The following LRRC7 variants were observed in gnomAD, a reference collection of about 807,000 sequenced individuals.
LRRC7 encodes the protein leucine rich repeat containing 7.
LRRC7 carries 23 observed loss-of-function variants against 175.7 expected under a neutral mutation model. The ratio of observed to expected loss-of-function variants is 0.13; its 90% CI spans 0.09 to 0.19. The LOEUF (loss-of-function observed/expected upper bound fraction) is 0.19, where lower values mean the gene tolerates loss of function less well. Ranked by LOEUF, LRRC7 falls within the 10% of genes least tolerant of loss-of-function variation. LRRC7 has a pLI of 1.00. For synonymous variants in LRRC7, 685 were observed against 680.9 expected, an observed-to-expected ratio of 1.01 and a Z score of -0.09; for missense variants, 1,354 against 1,904.7, an observed-to-expected ratio of 0.71 and a Z score of 5.38.
chr1:69,608,856 CTCTCTCTCTCTATATA>C (rs1284000197), intron 1 of LRRC7, among the ~76,000 whole-genome samples: 838 of 28,916 alleles, frequency 0.029, 1 homozygote, highest in Non-Finnish European at 0.031. Flanking sequence ...CTCTCTCTCT[CTCTCTCTCTCTATATA>C]TATATATATA....
At chr1:69,986,126 CTT>C in intron 9 of LRRC7, 114 bp from the exon 10 acceptor site, 1 of 934,704 alleles carries the variant, frequency 1.1e-6, no homozygotes, top group Non-Finnish European at 1.6e-6. Flanking sequence ...CTTGCCAACA[CTT>C]GTTATTGTTG....
intron 22 of LRRC7, among the ~76,000 whole-genome samples, chr1:70,046,841 C>T (rs1660368812): frequency 6.6e-6 from 1 of 152,208 alleles, no homozygotes; most frequent in East Asian, 1.9e-4. Flanking sequence ...TTTTCTGCCA[C>T]ACTCTAGAGT....
chr1:69,772,928 T>C (rs1015146046), intron 3 of LRRC7, among the ~76,000 whole-genome samples: 3 of 152,224 alleles, frequency 2.0e-5, no homozygotes, highest in African/African-American at 4.8e-5. Flanking sequence ...GCTAAGAGGA[T>C]AGAGGAGAGA....
chr1:69,713,829 A>C (rs1665050960), intron 2 of LRRC7, among the ~76,000 whole-genome samples: 1 of 151,814 alleles, frequency 6.6e-6, no homozygotes, highest in Admixed American at 6.6e-5. Context: ...TTTTGCCCCA[A>C]ATAAGAATTT....
chr1:69,803,474 T>C (rs1279959839), intron 4 of LRRC7, among the ~76,000 whole-genome samples: 1 of 151,348 alleles, frequency 6.6e-6, no homozygotes, highest in Admixed American at 6.6e-5. Context: ...TTTGTTAGAG[T>C]TATGTTTAAG....
In LRRC7 at chr1:69,806,232, A is replaced by T. The variant is rs76847304; in HGVS notation, c.421+14072A>T. On this transcript the variant is annotated intron_variant, in intron 4 of 26. Transcript: ENST00000651989. ...GGAAGGAAAAATTCATTTGTCGAGT[A>T]TGAAGCAAGATTATTAAACAGTTCA... Among the ~76,000 whole-genome samples, 983 of 152,116 alleles carry T rather than the reference A, an allele frequency of 6.5e-3. 3 individuals carry two copies. The highest frequency in any genetic ancestry group is 0.011 in the Non-Finnish European group (750 of 67,918).
intron 2 of LRRC7, among the ~76,000 whole-genome samples, chr1:69,742,877 A>G (rs752836813): frequency 1.3e-5 from 2 of 151,988 alleles, no homozygotes; most frequent in Non-Finnish European, 1.5e-5. Flanking sequence ...CTCAGAACAG[A>G]AAAGAATTTC....
chr1:69,995,350 T>C (rs1219003512), intron 11 of LRRC7, among the ~76,000 whole-genome samples: 4 of 152,272 alleles, frequency 2.6e-5, no homozygotes, highest in South Asian at 2.1e-4. Context: ...GGGCATTTTA[T>C]TGAGATCTTG....
intron 25 of LRRC7, among the ~76,000 whole-genome samples, chr1:70,091,052 G>A (rs1401892423): frequency 6.6e-6 from 1 of 152,118 alleles, no homozygotes; most frequent in Non-Finnish European, 1.5e-5. Context: ...AGTGACCAAG[G>A]ATGGGAGCTC....
At chr1:69,902,578 CAA>C (rs5774997) in intron 7 of LRRC7, among the ~76,000 whole-genome samples, 19 of 147,044 alleles carry the variant, frequency 1.3e-4, no homozygotes, top group Non-Finnish European at 2.7e-4. Context: ...CAAAACAAAA[CAA>C]AAAAAAAAGC....
chr1:69,927,180 G>A (rs1248507500), intron 7 of LRRC7, among the ~76,000 whole-genome samples: 1 of 152,234 alleles, frequency 6.6e-6, no homozygotes, highest in Non-Finnish European at 1.5e-5. Flanking sequence ...GAGATCCCAT[G>A]TTAGTCTGAT....
intron 7 of LRRC7, among the ~76,000 whole-genome samples, chr1:69,909,983 T>C (rs1337171635): frequency 6.6e-6 from 1 of 152,216 alleles, no homozygotes; most frequent in African/African-American, 2.4e-5. Flanking sequence ...TTTATTCTTT[T>C]TTCTCTAAAC....
At chr1:69,870,794 T>C (rs995320244) in intron 7 of LRRC7, among the ~76,000 whole-genome samples, 12 of 152,200 alleles carry the variant, frequency 7.9e-5, no homozygotes, top group Non-Finnish European at 1.5e-4. Context: ...CCCTCTTCTG[T>C]AGAGGCTTGG....
rs772224431 is a variant in LRRC7 at position 70,076,085 on chromosome 1, C to T, written c.4239C>T (p.Ser1413=). The change falls in exon 24 of 27, where the codon AGC becomes AGT. Residue 1413 remains serine, a synonymous_variant. Coordinates refer to ENST00000651989, the MANE Select transcript of LRRC7 (RefSeq NM_001370785.2). Reference sequence around the variant, plus strand: ...GATTATCTTCTCCACAGGCAGGCAGCCACATCCAGACGTTGATGGGGTCCC... The same window carrying T: ...GATTATCTTCTCCACAGGCAGGCAGTCACATCCAGACGTTGATGGGGTCCC... ...PPDTITKKAG[S]HIQTLMGSQS... 2.5e-6 allele frequency: 4 copies of T among 1,613,302 alleles called. No homozygotes were observed. Among genetic ancestry groups the T allele is most frequent in the Non-Finnish European group, 3.4e-6 (4 of 1,179,936 alleles).
chr1:69,657,692 A>C (rs1388095154), intron 1 of LRRC7, among the ~76,000 whole-genome samples: 1 of 151,940 alleles, frequency 6.6e-6, no homozygotes, highest in Non-Finnish European at 1.5e-5. Context: ...GGAAGAAAGG[A>C]AAATTAACAA....
At chr1:69,602,696 A>G (rs551494716) in intron 1 of LRRC7, among the ~76,000 whole-genome samples, 1 of 152,252 alleles carries the variant, frequency 6.6e-6, no homozygotes, top group South Asian at 2.1e-4. Flanking sequence ...CCGAGAATCA[A>G]TCTGTTCCAT....
chr1:69,881,681 A>G (rs1686613403), intron 7 of LRRC7, among the ~76,000 whole-genome samples: 1 of 151,600 alleles, frequency 6.6e-6, no homozygotes, highest in African/African-American at 2.4e-5. Context: ...GTTCAAGACT[A>G]GTCTGGGCAA....
intron 8 of LRRC7, among the ~76,000 whole-genome samples, chr1:69,956,467 A>C (rs1448267115): frequency 6.6e-6 from 1 of 151,882 alleles, no homozygotes; most frequent in Admixed American, 6.6e-5. Flanking sequence ...AATAATGAGA[A>C]GTATTTTAAG....
At chr1:69,854,927 C>G (rs1683419816) in intron 7 of LRRC7, among the ~76,000 whole-genome samples, 2 of 152,086 alleles carry the variant, frequency 1.3e-5, no homozygotes, top group African/African-American at 2.4e-5. Context: ...CTTTAGAGTG[C>G]AGCAAACATG....
Sources: gnomAD v4.1 joint callset for allele counts (sites outside exome capture counted in the v4.1 genomes callset) on GRCh38, gnomAD v4.1.1 for gene constraint, MANE v1.5 for transcripts, NCBI Gene and HGNC (gene_info 2026-07-23, HGNC 2026-07-21) for gene names.